KCNJ18: variants seen among roughly 807,000 people sequenced by gnomAD.
KCNJ18 encodes potassium inwardly rectifying channel subfamily J member 18.
Under a neutral mutation model 17.3 loss-of-function variants are expected in KCNJ18, and 16 were observed. The observed-to-expected ratio is 0.92, with a 90% confidence interval of 0.62 to 1.40. KCNJ18 has a LOEUF of 1.40. Among genes scored for constraint, KCNJ18 ranks in the 40% most tolerant of loss-of-function variants. The probability of loss-of-function intolerance (pLI) is 0.00; values close to 1 mark genes in which losing one functional copy is unlikely to be tolerated. For missense variants in KCNJ18, 462 were observed against 626.8 expected (o/e 0.74, Z 2.81); for synonymous variants, 185 against 262.6 (o/e 0.70, Z 2.86).
intron 2 of KCNJ18, among the ~76,000 whole-genome samples, chr17:21,701,421 T>G: frequency 6.6e-6 from 1 of 152,270 alleles, no homozygotes; most frequent in African/African-American, 2.4e-5. Flanking sequence ...AAGCAGGGGC[T>G]GGGGAGGGCC....
At position 21,702,810 on chromosome 17, in the gene KCNJ18, C is replaced by A; in HGVS notation, c.24C>A (p.Asn8Lys). Residue 8 changes from asparagine to lysine, a missense_variant, in exon 3 of 3, where the codon AAC (asparagine) becomes AAA (lysine). Asn to Lys is a moderately conservative substitution (Grantham distance 94). Coordinates refer to ENST00000567955, the MANE Select transcript of KCNJ18 (RefSeq NM_001194958.2). MTAASRANPYSIVSLEED... is the reference protein window; with the variant it reads MTAASRAKPYSIVSLEED... The stretch of plus-strand genomic sequence containing the variant: ...GGATGACCGCGGCCAGCCGGGCCAA[C>A]CCCTACAGCATCGTGTCATTGGAGG... The A allele has an allele frequency of 5.0e-6, 8 of 1,595,060 alleles. No individual in the cohort carries two copies. The highest frequency in any genetic ancestry group is 1.1e-5 in the South Asian group (1 of 89,844).
At position 21,703,193 on chromosome 17, in the gene KCNJ18, TCTC is replaced by T; in HGVS notation, c.409_411del (p.Ser137del). 3.7e-6 allele frequency: 6 copies of T among 1,609,798 alleles called. No homozygotes were observed. In the South Asian group the frequency reaches 6.6e-5, roughly 18 times the overall value. On this transcript the variant is annotated inframe_deletion, in exon 3 of 3. Transcript: ENST00000567955. The stretch of plus-strand genomic sequence containing the variant: ...CACGGCTTCATGGCGGCCTTCCTCT[TCTC>T]CATCGAGACGCAGACCACCATCGGC...
At chr17:21,699,545 T>C (rs1187103432) in intron 2 of KCNJ18, among the ~76,000 whole-genome samples, 235 of 152,330 alleles carry the variant, frequency 1.5e-3, no homozygotes, top group African/African-American at 5.2e-3. Flanking sequence ...GGCTGAGGAC[T>C]GACATTCTGG....
chr17:21,696,337 C>T (rs1287290834), intron 2 of KCNJ18, among the ~76,000 whole-genome samples: 1 of 151,994 alleles, frequency 6.6e-6, no homozygotes, highest in Admixed American at 6.6e-5. Context: ...ATCTGCTCAA[C>T]CATCCATCCA....
chr17:21,703,089 C>A lies in KCNJ18; in HGVS notation c.303C>A (p.Ile101=). 1 of 1,612,918 alleles carries A rather than the reference C, an allele frequency of 6.2e-7. No individual in the cohort carries two copies. The highest frequency in any genetic ancestry group is 1.3e-5 in the African/African-American group (1 of 75,078). The change falls in exon 3 of 3, where the codon ATC becomes ATA. Residue 101 remains isoleucine (I), a synonymous_variant. Coordinates refer to ENST00000567955, the MANE Select transcript of KCNJ18 (RefSeq NM_001194958.2). ...FLASWLLFGV[I]FWVIAVAHGD... is the part of the protein sequence containing the mutation. ...CCTCCTGGCTGCTGTTCGGCGTCAT[C>A]TTCTGGGTCATCGCGGTGGCACACG...
chr17:21,703,840 C>T lies in KCNJ18; in HGVS notation c.1054C>T (p.Pro352Ser), dbSNP rs2142274036. The T allele has an allele frequency of 1.9e-6, 3 of 1,611,350 alleles. No individual in the cohort carries two copies. Among genetic ancestry groups the T allele is most frequent in the Non-Finnish European group, 1.7e-6 (2 of 1,179,588 alleles). ...YSHFHKTYEV[P>S]STPRCSAKDL... ...GCACTTCCACAAGACCTATGAGGTG[C>T]CCTCTACGCCCCGCTGCAGTGCGAA... The change falls in exon 3 of 3, where the codon CCC becomes TCC. Residue 352 changes from proline to serine, a missense_variant. By Grantham distance (74) the Pro-to-Ser change is moderately conservative. Coordinates refer to ENST00000567955, the MANE Select transcript of KCNJ18 (RefSeq NM_001194958.2).
rs1375180716 is a variant in KCNJ18, at chr17:21,703,508, G to C, written c.722G>C (p.Gly241Ala). Residue 241 changes from glycine (G) to alanine (A), a missense_variant, in exon 3 of 3, where the codon GGC becomes GCC. This residue lies in a region of KCNJ18 where 27 missense variants were observed against 119.2 expected (regional missense o/e 0.23). Transcript: ENST00000567955. ...ATCAAGCCGCGGGTCACCGAGGAGGGCGAGTACATCCCGCTGGACCAGATC... is the reference window on the plus strand; with the variant it reads ...ATCAAGCCGCGGGTCACCGAGGAGGCCGAGTACATCCCGCTGGACCAGATC... The part of the protein sequence containing the change: ...QLIKPRVTEE[G>A]EYIPLDQIDI... The C allele has an allele frequency of 5.0e-5, 80 of 1,604,438 alleles. No individual in the cohort carries two copies. The Admixed American group carries it at 1.3e-3, about 27-fold the overall frequency.
chr17:21,696,258 C>T (rs1338748266), intron 2 of KCNJ18, among the ~76,000 whole-genome samples, 154 bp downstream of exon 2: 270 of 152,016 alleles, frequency 1.8e-3, no homozygotes, highest in Middle Eastern at 6.8e-3. Context: ...TCCACCCACC[C>T]ATGCCTCCAC....
intron 2 of KCNJ18, among the ~76,000 whole-genome samples, chr17:21,700,813 A>G (rs1156829900): frequency 8.9e-5 from 8 of 90,224 alleles, no homozygotes; most frequent in African/African-American, 3.3e-4. Context: ...GGCTGTGTGC[A>G]GCGCCTGGTT....
At chr17:21,693,018 G>A (rs1183791811) in intron 1 of KCNJ18, among the ~76,000 whole-genome samples, 19 of 152,392 alleles carry the variant, frequency 1.2e-4, no homozygotes, top group East Asian at 9.7e-4. Context: ...CCTCCCCTGC[G>A]GGACGCTGTG....
Position 21,702,868 on chromosome 17 carries a change from G to A in KCNJ18, c.82G>A (p.Ala28Thr), listed in dbSNP as rs1260138033. Residue 28 changes from alanine (A) to threonine (T), a missense_variant, in exon 3 of 3, where the codon GCC (alanine) becomes ACC (threonine). Ala to Thr is a moderately conservative substitution (Grantham distance 58, BLOSUM62 0). Around this residue, in one of 5 missense-constraint regions of KCNJ18, gnomAD observed 237 missense variants for 259.4 expected, o/e 0.91. Coordinates refer to ENST00000567955, the MANE Select transcript of KCNJ18 (RefSeq NM_001194958.2). ...GCTGCACCTGGTCACCATGTCGGGC[G>A]CCAACGGCTTCGGCAACGGCAAGGT... ...DGLHLVTMSGANGFGNGKVHT... is the reference protein window; with the variant it reads ...DGLHLVTMSGTNGFGNGKVHT... 107 of 1,600,040 alleles carry A rather than the reference G, an allele frequency of 6.7e-5. 1 individual carries two copies. In the South Asian group the frequency reaches 9.2e-4, roughly 14 times the overall value.
chr17:21,696,383 T>C (rs1488396209), intron 2 of KCNJ18, among the ~76,000 whole-genome samples: 2 of 152,096 alleles, frequency 1.3e-5, no homozygotes, highest in African/African-American at 4.8e-5. Context: ...TCCATCTATC[T>C]GCTCACCCCT....
chr17:21,694,342 CT>C (rs1905691818), intron 1 of KCNJ18, among the ~76,000 whole-genome samples: 1 of 151,874 alleles, frequency 6.6e-6, no homozygotes, highest in Non-Finnish European at 1.5e-5. Flanking sequence ...TCACGGCACA[CT>C]GGATAGGAAG....
intron 2 of KCNJ18, among the ~76,000 whole-genome samples, chr17:21,699,037 TTA>T (rs1905854954): frequency 1.3e-5 from 2 of 152,068 alleles, no homozygotes; most frequent in African/African-American, 4.8e-5. Flanking sequence ...GGTCCTAACT[TTA>T]GTAGTGAGCA....
intron 1 of KCNJ18, among the ~76,000 whole-genome samples, chr17:21,695,023 C>G (rs1162908403): frequency 3.3e-5 from 5 of 152,032 alleles, no homozygotes. Context: ...CACCCATTAC[C>G]CATCCATCCA....
At chr17:21,694,350 G>T (rs2055848886) in intron 1 of KCNJ18, among the ~76,000 whole-genome samples, 1 of 151,832 alleles carries the variant, frequency 6.6e-6, no homozygotes, top group African/African-American at 2.4e-5. Context: ...CACTGGATAG[G>T]AAGGCAGGGG....
chr17:21,693,763 C>A (rs1469104560), intron 1 of KCNJ18, among the ~76,000 whole-genome samples: 2 of 152,358 alleles, frequency 1.3e-5, no homozygotes, highest in Non-Finnish European at 2.9e-5. Context: ...TGTGACAGAA[C>A]CTCTCTGAAA....
intron 2 of KCNJ18, among the ~76,000 whole-genome samples, chr17:21,696,561 AG>A (rs1333906207): frequency 6.6e-6 from 1 of 152,194 alleles, no homozygotes; most frequent in Non-Finnish European, 1.5e-5. Flanking sequence ...CCTCTTTGCT[AG>A]TACCTGCATC....
Position 21,703,261 on chromosome 17 carries a change from G to T in KCNJ18, c.475G>T (p.Val159Phe). ...TGTGACGGAGGAGTGCCTGGTGGCC[G>T]TCTTCATGGTGGTGGCCCAGTCCAT... The part of the protein sequence containing the change: ...RCVTEECLVA[V>F]FMVVAQSIVG... Residue 159 changes from valine (V) to phenylalanine (F), a missense_variant, in exon 3 of 3, where the codon GTC (valine) becomes TTC (phenylalanine). Val to Phe is a conservative substitution (Grantham distance 50, BLOSUM62 -1). This residue lies in a region of KCNJ18 where 237 missense variants were observed against 259.4 expected (regional missense o/e 0.91). Coordinates refer to ENST00000567955, the MANE Select transcript of KCNJ18 (RefSeq NM_001194958.2). The T allele has an allele frequency of 1.2e-6, 2 of 1,609,664 alleles. No homozygotes were observed. Among genetic ancestry groups the T allele is most frequent in the Non-Finnish European group, 1.7e-6 (2 of 1,178,062 alleles).
Sources: gnomAD v4.1 joint callset for allele counts (sites outside exome capture counted in the v4.1 genomes callset) on GRCh38, gnomAD v4.1.1 for gene constraint, gnomAD v4.1.1 regional missense constraint, MANE v1.5 for transcripts, NCBI Gene and HGNC (gene_info 2026-07-23, HGNC 2026-07-21) for gene names.